Variants in EDIL3 observed in about 807,000 individuals in gnomAD.
The protein encoded by EDIL3 is EGF-like repeat and discoidin I-like domain-containing protein 3.
EDIL3 carries 37 observed loss-of-function variants against 67.4 expected under a neutral mutation model. That is an observed-to-expected ratio of 0.55 (90% CI 0.42 to 0.72). The LOEUF is 0.72. Among genes scored for constraint, EDIL3 ranks in the 30% least tolerant of loss-of-function variants. The pLI is 0.00. For synonymous variants in EDIL3, 195 were observed against 196.3 expected (o/e 0.99, Z 0.05); for missense variants, 527 against 586.3 (o/e 0.90, Z 1.04).
intron 6 of EDIL3, among the ~76,000 whole-genome samples, chr5:84,083,335 T>A (rs1327797032): frequency 1.3e-5 from 2 of 152,106 alleles, no homozygotes; most frequent in East Asian, 3.9e-4. Flanking sequence ...AGCCTGGAAT[T>A]GGGAGTCCTG....
intron 10 of EDIL3, among the ~76,000 whole-genome samples, chr5:83,958,503 T>C (rs931677095): frequency 6.6e-6 from 1 of 151,530 alleles, no homozygotes; most frequent in African/African-American, 2.4e-5. Context: ...TTTCAACTTT[T>C]CAACTTATGC....
Position 84,366,909 on chromosome 5 carries a change from A to G in EDIL3, c.67+17399T>C, listed in dbSNP as rs562102809. Among the ~76,000 whole-genome samples, 4 of 152,350 alleles carry G rather than the reference A, an allele frequency of 2.6e-5. No homozygotes were observed. The South Asian group carries it at 8.3e-4, about 32-fold the overall frequency. ...GTTAGTATAACATGTCATTTATGAAAATAGATGCAAATGTCCCAACAAAAA... is the reference window on the plus strand; with the variant it reads ...GTTAGTATAACATGTCATTTATGAAGATAGATGCAAATGTCCCAACAAAAA... On this transcript the variant is annotated intron_variant, in intron 1 of 10. Coordinates refer to ENST00000296591, the MANE Select transcript of EDIL3 (RefSeq NM_005711.5).
chr5:84,378,758 C>A (rs1205483989), intron 1 of EDIL3, among the ~76,000 whole-genome samples: 3 of 152,158 alleles, frequency 2.0e-5, no homozygotes, highest in African/African-American at 7.2e-5. Flanking sequence ...TAGCTTTAGG[C>A]AGGACAGTGT....
At chr5:84,129,245 TGCAGTA>T (rs2112306511) in intron 5 of EDIL3, among the ~76,000 whole-genome samples, 1 of 152,308 alleles carries the variant, frequency 6.6e-6, no homozygotes, top group African/African-American at 2.4e-5. Context: ...AACTTCATCC[TGCAGTA>T]ACGTTGAAAT....
intron 9 of EDIL3, among the ~76,000 whole-genome samples, chr5:84,021,504 T>C (rs1056647123): frequency 6.6e-6 from 1 of 152,006 alleles, no homozygotes; most frequent in African/African-American, 2.4e-5. Flanking sequence ...CATGTATATA[T>C]AGTTTCCAAA....
intron 3 of EDIL3, among the ~76,000 whole-genome samples, chr5:84,198,640 C>A (rs1383565006): frequency 6.6e-6 from 1 of 151,930 alleles, no homozygotes; most frequent in East Asian, 1.9e-4. Flanking sequence ...TGTCTCATGA[C>A]AACAAGCAAT....
intron 3 of EDIL3, among the ~76,000 whole-genome samples, chr5:84,189,215 G>A (rs1270398017): frequency 2.0e-5 from 3 of 151,914 alleles, no homozygotes; most frequent in Non-Finnish European, 4.4e-5. Flanking sequence ...TAAATTTGGG[G>A]CAGTAACTAG....
rs182941881 is a variant in EDIL3 at position 84,162,132 on chromosome 5, G to T, written c.355+18261C>A. ...CAGATATGGAGAAGGGGCTCACATG[G>T]GGCCTAGAAGTATGCTGGGTACCAT... On this transcript the variant is annotated intron_variant, in intron 4 of 10. Transcript: ENST00000296591. 3.9e-3 allele frequency among the ~76,000 whole-genome samples: 598 copies of T among 152,180 alleles called. 2 individuals are homozygous for T. The highest frequency in any genetic ancestry group is 6.0e-3 in the Non-Finnish European group (409 of 67,974).
chr5:84,139,635 G>A (rs1199611475), intron 4 of EDIL3, among the ~76,000 whole-genome samples: 4 of 152,202 alleles, frequency 2.6e-5, no homozygotes, highest in South Asian at 2.1e-4. Flanking sequence ...AGATGAGAAC[G>A]TGTAACTGGT....
chr5:84,307,886 T>C (rs1746304649), intron 1 of EDIL3, among the ~76,000 whole-genome samples: 1 of 152,090 alleles, frequency 6.6e-6, no homozygotes, highest in African/African-American at 2.4e-5. Flanking sequence ...GGTTTGAAAA[T>C]AGTTACTAGG....
chr5:84,272,849 AT>A (rs144612335), intron 1 of EDIL3, among the ~76,000 whole-genome samples: 161 of 150,192 alleles, frequency 1.1e-3, no homozygotes, highest in Middle Eastern at 3.4e-3. Flanking sequence ...AGTATGAATT[AT>A]TTTTTTTTTC....
At chr5:84,318,552 G>A (rs1248633030) in intron 1 of EDIL3, among the ~76,000 whole-genome samples, 1 of 152,140 alleles carries the variant, frequency 6.6e-6, no homozygotes, top group Non-Finnish European at 1.5e-5. Context: ...AACAAGAAAT[G>A]CAGGAAAGAT....
intron 9 of EDIL3, among the ~76,000 whole-genome samples, chr5:83,979,098 C>T (rs76899222): frequency 0.049 from 7,481 of 152,068 alleles, 252 homozygotes; most frequent in Non-Finnish European, 0.071. Context: ...AGAAAAATTA[C>T]AGACAAGAGA....
chr5:84,078,466 A>G (rs1220673531), intron 6 of EDIL3, among the ~76,000 whole-genome samples: 3 of 152,216 alleles, frequency 2.0e-5, no homozygotes, highest in Non-Finnish European at 4.4e-5. Flanking sequence ...ACCTTATGAT[A>G]TAACATCATG....
chr5:84,202,386 G>T (rs1021818527), intron 3 of EDIL3, among the ~76,000 whole-genome samples: 1 of 152,144 alleles, frequency 6.6e-6, no homozygotes, highest in Admixed American at 6.5e-5. Flanking sequence ...GACTCAGCAA[G>T]AAAAGGTTAA....
Position 84,331,860 on chromosome 5 carries a change from C to T in EDIL3, c.67+52448G>A, listed in dbSNP as rs577641170. ...AAAACCAACATAATCTCAATCAATG[C>T]TTCATGAAAAAAGAAGTAAATGCAT... On this transcript the variant is annotated intron_variant, in intron 1 of 10. Transcript: ENST00000296591. Among the ~76,000 whole-genome samples, 18 of 152,226 alleles carry T rather than the reference C, an allele frequency of 1.2e-4. No homozygotes were observed. In the South Asian group the frequency reaches 3.7e-3, roughly 32 times the overall value.
intron 5 of EDIL3, among the ~76,000 whole-genome samples, chr5:84,127,763 T>C (rs1383226657): frequency 3.9e-5 from 6 of 152,132 alleles, no homozygotes; most frequent in Non-Finnish European, 8.8e-5. Context: ...AGAACTTCTT[T>C]TGCCTGATTT....
At chr5:84,201,713 A>T (rs941573925) in intron 3 of EDIL3, among the ~76,000 whole-genome samples, 4 of 152,156 alleles carry the variant, frequency 2.6e-5, no homozygotes, top group African/African-American at 7.2e-5. Flanking sequence ...TAAAACTTGA[A>T]AGGTTCCAAA....
At chr5:84,325,242 A>T (rs1746734601) in intron 1 of EDIL3, among the ~76,000 whole-genome samples, 2 of 151,970 alleles carry the variant, frequency 1.3e-5, no homozygotes, top group Admixed American at 1.3e-4. Context: ...AGGAATTAAC[A>T]TCCAGAATGT....
Sources: allele counts gnomAD v4.1 joint callset (sites outside exome capture counted in the v4.1 genomes callset), GRCh38; gene constraint gnomAD v4.1.1; transcripts MANE v1.5; gene names NCBI Gene and HGNC (gene_info 2026-07-23, HGNC 2026-07-21).